Variants in DNM3 observed in about 807,000 individuals in gnomAD.
The protein encoded by DNM3 is dynamin-3.
A neutral mutation model predicts 101.6 loss-of-function variants in DNM3; 47 were observed. The ratio of observed to expected loss-of-function variants is 0.46; its 90% CI spans 0.37 to 0.59. The LOEUF (loss-of-function observed/expected upper bound fraction) is 0.59, where lower values mean the gene tolerates loss of function less well. Among genes scored for constraint, DNM3 ranks in the 20% least tolerant of loss-of-function variants. The probability of loss-of-function intolerance (pLI) is 0.00; values close to 1 mark genes in which losing one functional copy is unlikely to be tolerated. For synonymous variants in DNM3, 385 were observed against 387.9 expected (o/e 0.99, Z 0.09); for missense variants, 849 against 1,085.7 (o/e 0.78, Z 3.06).
intron 4 of DNM3, among the ~76,000 whole-genome samples, chr1:172,001,065 G>T (rs2046328550): frequency 6.6e-6 from 1 of 151,998 alleles, no homozygotes; most frequent in Non-Finnish European, 1.5e-5. Context: ...AATGAGGATG[G>T]GATACAGGGC....
intron 17 of DNM3, among the ~76,000 whole-genome samples, chr1:172,371,928 A>G (rs2149038820): frequency 7.9e-6 from 1 of 126,600 alleles, no homozygotes; most frequent in African/African-American, 3.1e-5. Flanking sequence ...ATTTTTTATT[A>G]TTATACTTTA....
At chr1:171,899,592 G>T (rs770386020) in intron 1 of DNM3, among the ~76,000 whole-genome samples, 1 of 152,180 alleles carries the variant, frequency 6.6e-6, no homozygotes, top group Non-Finnish European at 1.5e-5. Flanking sequence ...AGGTGATAAA[G>T]AATAATAATG....
chr1:171,952,372 A>C (rs796511971), intron 2 of DNM3, among the ~76,000 whole-genome samples: 5 of 152,328 alleles, frequency 3.3e-5, no homozygotes, highest in African/African-American at 1.2e-4. Context: ...GTGATGCTAC[A>C]TGAGTCAGGT....
At chr1:172,289,276 G>A (rs2063813954) in intron 15 of DNM3, among the ~76,000 whole-genome samples, 1 of 152,052 alleles carries the variant, frequency 6.6e-6, no homozygotes, top group Non-Finnish European at 1.5e-5. Flanking sequence ...GAACTATTGT[G>A]GAGAAAATTT....
chr1:172,311,232 TATC>T (rs1234532492), intron 16 of DNM3: 18 of 152,136 alleles, frequency 1.2e-4, no homozygotes, highest in Non-Finnish European at 2.9e-5. Flanking sequence ...CTGTGAATAT[TATC>T]ATACAGCCCA....
chr1:172,167,665 T>C (rs960196498), intron 14 of DNM3, among the ~76,000 whole-genome samples: 6 of 152,060 alleles, frequency 3.9e-5, no homozygotes, highest in Non-Finnish European at 7.4e-5. Context: ...CATTGCATTC[T>C]TAACTGAAAA....
At chr1:172,354,083 G>A (rs1263724376) in intron 17 of DNM3, among the ~76,000 whole-genome samples, 1 of 143,356 alleles carries the variant, frequency 7.0e-6, no homozygotes, top group Non-Finnish European at 1.5e-5. Flanking sequence ...ACATAAAGGT[G>A]TTGGGGTGTG....
chr1:172,054,847 T>G (rs1373312148), intron 10 of DNM3, among the ~76,000 whole-genome samples: 2 of 152,012 alleles, frequency 1.3e-5, no homozygotes, highest in Admixed American at 1.3e-4. Context: ...TAATCTCAGC[T>G]ACTCAGGAGG....
intron 13 of DNM3, among the ~76,000 whole-genome samples, chr1:172,106,847 C>CTATTTTTTTTT (rs2055063548): frequency 1.5e-5 from 1 of 67,958 alleles, no homozygotes; most frequent in Non-Finnish European, 2.5e-5. Context: ...TAACATTATT[C>CTATTTTTTTTT]TTTTTTTTTT....
At chr1:172,262,954 G>A (rs2062722288) in intron 15 of DNM3, among the ~76,000 whole-genome samples, 1 of 152,166 alleles carries the variant, frequency 6.6e-6, no homozygotes, top group Admixed American at 6.5e-5. Context: ...AGTGGCAAAA[G>A]TTAGAAAAGA....
chr1:172,077,383 T>G (rs2052749060), intron 11 of DNM3, among the ~76,000 whole-genome samples: 1 of 152,228 alleles, frequency 6.6e-6, no homozygotes, highest in Non-Finnish European at 1.5e-5. Flanking sequence ...CTTGCTTCTC[T>G]TGTTCTTTTA....
At chr1:171,915,829 T>C (rs548499460) in intron 1 of DNM3, among the ~76,000 whole-genome samples, 46 of 152,330 alleles carry the variant, frequency 3.0e-4, no homozygotes, top group African/African-American at 1.0e-3. Context: ...AGTGTTTGGC[T>C]ACCTCTCTGG....
intron 14 of DNM3, among the ~76,000 whole-genome samples, chr1:172,192,662 C>T (rs1377315089): frequency 1.3e-5 from 2 of 151,590 alleles, no homozygotes; most frequent in Admixed American, 6.6e-5. Flanking sequence ...TTACTGAGAA[C>T]AATGATTTCC....
intron 4 of DNM3, among the ~76,000 whole-genome samples, chr1:172,015,953 A>G (rs1184748550): frequency 6.6e-6 from 1 of 151,850 alleles, no homozygotes; most frequent in Non-Finnish European, 1.5e-5. Flanking sequence ...AGGTGGGTGG[A>G]TCACCTGAGG....
At chr1:172,061,142 A>G (rs1175465538) in intron 10 of DNM3, among the ~76,000 whole-genome samples, 1 of 150,492 alleles carries the variant, frequency 6.6e-6, no homozygotes, top group Non-Finnish European at 1.5e-5. Context: ...TCAAAACCAC[A>G]ATGAGATACC....
chr1:171,950,038 T>C (rs2042414238), intron 2 of DNM3, among the ~76,000 whole-genome samples: 1 of 151,948 alleles, frequency 6.6e-6, no homozygotes, highest in Admixed American at 6.6e-5. Flanking sequence ...GACAAACATA[T>C]TGTGGAACAT....
intron 4 of DNM3, among the ~76,000 whole-genome samples, chr1:172,014,141 C>T (rs1274239590): frequency 6.6e-6 from 1 of 151,890 alleles, no homozygotes; most frequent in African/African-American, 2.4e-5. Flanking sequence ...GCCCATCAAT[C>T]GAGTGGATAA....
intron 14 of DNM3, among the ~76,000 whole-genome samples, chr1:172,147,655 A>G (rs1223841416): frequency 6.6e-6 from 1 of 152,124 alleles, no homozygotes; most frequent in Non-Finnish European, 1.5e-5. Context: ...ACTAGTGTTT[A>G]CAATTATTTT....
At chr1:172,235,857 AGT>A (rs2061522202) in intron 14 of DNM3, among the ~76,000 whole-genome samples, 1 of 151,630 alleles carries the variant, frequency 6.6e-6, no homozygotes, top group Non-Finnish European at 1.5e-5. Context: ...GGGTGGGGAG[AGT>A]GGGGAGGGAT....
Sources: allele counts gnomAD v4.1 joint callset (sites outside exome capture counted in the v4.1 genomes callset), GRCh38; gene constraint gnomAD v4.1.1; transcripts MANE v1.5; gene names NCBI Gene and HGNC (gene_info 2026-07-23, HGNC 2026-07-21).